SYNPR: variants seen among roughly 807,000 people sequenced by gnomAD.
SYNPR encodes the protein synaptoporin.
A neutral mutation model predicts 32.9 loss-of-function variants in SYNPR; 23 were observed. The ratio of observed to expected loss-of-function variants is 0.70; its 90% CI spans 0.50 to 0.99. The LOEUF (loss-of-function observed/expected upper bound fraction) is 0.99, where lower values mean the gene tolerates loss of function less well. Ranked by LOEUF, SYNPR falls within the 50% of genes least tolerant of loss-of-function variation. The probability of loss-of-function intolerance (pLI) is 0.00; values close to 1 mark genes in which losing one functional copy is unlikely to be tolerated. For missense variants in SYNPR, 318 were observed against 349.3 expected, an observed-to-expected ratio of 0.91 and a Z score of 0.71; for synonymous variants, 146 against 135.9, an observed-to-expected ratio of 1.07 and a Z score of -0.52.
At chr3:63,496,178 CCTT>C (rs1415786530) in intron 3 of SYNPR, among the ~76,000 whole-genome samples, 1 of 151,942 alleles carries the variant, frequency 6.6e-6, no homozygotes, top group Non-Finnish European at 1.5e-5. Context: ...ATATTAAAAT[CCTT>C]CTTAATGTAA....
At chr3:63,504,116 TTGAAA>T (rs1701539611) in intron 3 of SYNPR, among the ~76,000 whole-genome samples, 1 of 152,152 alleles carries the variant, frequency 6.6e-6, no homozygotes, top group Non-Finnish European at 1.5e-5. Flanking sequence ...ATATTAATTG[TTGAAA>T]TTAAAATATT....
chr3:63,357,258 C>T (rs911449752), intron 2 of SYNPR, among the ~76,000 whole-genome samples: 1 of 152,000 alleles, frequency 6.6e-6, no homozygotes, highest in Non-Finnish European at 1.5e-5. Flanking sequence ...GACCAGAGAC[C>T]CCTCCCACCC....
intron 1 of SYNPR, among the ~76,000 whole-genome samples, chr3:63,248,590 C>T (rs1197576435): frequency 6.6e-6 from 1 of 152,064 alleles, no homozygotes; most frequent in African/African-American, 2.4e-5. Context: ...AATCAGTACT[C>T]ATTTGTTCAT....
At chr3:63,203,599 T>C in the SYNPR span, among the ~76,000 whole-genome samples, 1 of 152,212 alleles carries the variant, frequency 6.6e-6, no homozygotes, top group Non-Finnish European at 1.5e-5. Flanking sequence ...CCTATCATTC[T>C]TGCCTCCTTC....
chr3:63,327,961 A>T (rs1185804884), intron 2 of SYNPR, among the ~76,000 whole-genome samples: 1 of 152,200 alleles, frequency 6.6e-6, no homozygotes, highest in Non-Finnish European at 1.5e-5. Flanking sequence ...GGATCAGGAG[A>T]GGCACAGATG....
intron 2 of SYNPR, among the ~76,000 whole-genome samples, chr3:63,327,518 A>C (rs1273263878): frequency 6.6e-6 from 1 of 152,190 alleles, no homozygotes; most frequent in Non-Finnish European, 1.5e-5. Flanking sequence ...AAGTGTGTTC[A>C]TAACAGAATT....
chr3:63,524,373 G>C (rs1006854103), intron 3 of SYNPR, among the ~76,000 whole-genome samples: 3 of 152,268 alleles, frequency 2.0e-5, no homozygotes, highest in African/African-American at 7.2e-5. Context: ...TGTCTGCAGG[G>C]CATGTGCTAC....
At chr3:63,447,699 A>G (rs1700303768) in intron 2 of SYNPR, among the ~76,000 whole-genome samples, 1 of 151,668 alleles carries the variant, frequency 6.6e-6, no homozygotes. Context: ...CAGTCTCTCC[A>G]CTCTGCAGAC....
the SYNPR span, among the ~76,000 whole-genome samples, chr3:63,210,773 C>A: frequency 6.7e-6 from 1 of 149,704 alleles, no homozygotes; most frequent in African/African-American, 2.5e-5. Flanking sequence ...TTTCTCCCTC[C>A]CTCCCATCTT....
At position 63,446,269 on chromosome 3, in the gene SYNPR, A is replaced by T. The variant is rs116366418; in HGVS notation, c.85-34563A>T. 8.9e-3 allele frequency among the ~76,000 whole-genome samples: 1,263 copies of T among 142,394 alleles called. 21 individuals are homozygous for T. The highest frequency in any genetic ancestry group is 0.031 in the African/African-American group (1,212 of 38,542). The allele number at this position is 142,394 out of a possible 152,430, so 93.4% of individuals were successfully genotyped here. A position where few individuals can be genotyped will look rare whatever the true frequency, so the allele number is the denominator to read the frequency against. ...CAAAATTCTCACCTTCCCTTTACTCACTCCCACCATGTTTTTTTTTTTTTT... is the reference window on the plus strand; with the variant it reads ...CAAAATTCTCACCTTCCCTTTACTCTCTCCCACCATGTTTTTTTTTTTTTT... On this transcript the variant is annotated intron_variant, in intron 2 of 5. Coordinates refer to ENST00000478300, the MANE Select transcript of SYNPR (RefSeq NM_001130003.2).
chr3:63,341,137 G>C (rs1208846535), intron 2 of SYNPR, among the ~76,000 whole-genome samples: 1 of 152,154 alleles, frequency 6.6e-6, no homozygotes, highest in Non-Finnish European at 1.5e-5. Flanking sequence ...AAATCATACA[G>C]TTTGCAGCCT....
intron 3 of SYNPR, among the ~76,000 whole-genome samples, chr3:63,489,492 G>T (rs1701217018): frequency 6.6e-6 from 1 of 152,126 alleles, no homozygotes; most frequent in South Asian, 2.1e-4. Context: ...ACAATAAGGA[G>T]ACCCTTCAAT....
upstream of SYNPR, among the ~76,000 whole-genome samples, chr3:63,274,987 A>T (rs1362107655): frequency 1.3e-5 from 2 of 152,210 alleles, no homozygotes; most frequent in African/African-American, 4.8e-5. Context: ...ATTCATAGCT[A>T]TGGGTCCCTG....
At chr3:63,489,763 T>G (rs182456355) in intron 3 of SYNPR, among the ~76,000 whole-genome samples, 1 of 152,304 alleles carries the variant, frequency 6.6e-6, no homozygotes, top group East Asian at 1.9e-4. Context: ...GTAATTTCTA[T>G]GAAGAAAATG....
At chr3:63,412,475 A>G (rs535540657) in intron 2 of SYNPR, among the ~76,000 whole-genome samples, 3 of 152,298 alleles carry the variant, frequency 2.0e-5, no homozygotes, top group African/African-American at 7.2e-5. Flanking sequence ...CAGAATCAAG[A>G]GAAGGACATG....
chr3:63,301,279 C>T (rs1484200533), intron 2 of SYNPR, among the ~76,000 whole-genome samples: 2 of 152,098 alleles, frequency 1.3e-5, no homozygotes, highest in Non-Finnish European at 2.9e-5. Context: ...AAAATGCGTT[C>T]AGCGCAGTAC....
chr3:63,505,490 C>T (rs1166919389), intron 3 of SYNPR, among the ~76,000 whole-genome samples: 1 of 152,062 alleles, frequency 6.6e-6, no homozygotes, highest in Non-Finnish European at 1.5e-5. Context: ...TGAAAATGGT[C>T]CCATCAAAGA....
At chr3:63,510,915 C>CTGTGTGTG (rs755622968) in intron 3 of SYNPR, among the ~76,000 whole-genome samples, 24 of 149,194 alleles carry the variant, frequency 1.6e-4, no homozygotes, top group Admixed American at 4.7e-4. Context: ...AAAGGTACAA[C>CTGTGTGTG]TGTGTGTGTG....
In SYNPR at chr3:63,480,903, C is replaced by T; in HGVS notation, c.156C>T (p.Val52=). 1 of 1,613,596 alleles carries T rather than the reference C, an allele frequency of 6.2e-7. No homozygotes were observed. Among genetic ancestry groups the T allele is most frequent in the Non-Finnish European group, 8.5e-7 (1 of 1,179,622 alleles). ...SGGLRLSVDC[V]NKTESNLSID... ...GCCTGCGGCTGAGTGTGGACTGCGT[C>T]AACAAGACAGAAAGTAACCTCAGCA... The change falls in exon 3 of 6, where the codon GTC becomes GTT. Residue 52 remains valine (V), a synonymous_variant. Transcript: ENST00000478300.
Sources: gnomAD v4.1 joint callset for allele counts (sites outside exome capture counted in the v4.1 genomes callset) on GRCh38, gnomAD v4.1.1 for gene constraint, MANE v1.5 for transcripts, NCBI Gene and HGNC (gene_info 2026-07-23, HGNC 2026-07-21) for gene names.